Variants in NDUFAF6 observed in about 807,000 individuals in gnomAD.
NDUFAF6 encodes NADH dehydrogenase (ubiquinone) complex I, assembly factor 6.
In NDUFAF6, 45 loss-of-function variants were observed where a neutral mutation model predicts 40.8. The observed-to-expected ratio is 1.10, with a 90% CI of 0.87 to 1.42. NDUFAF6 has a LOEUF of 1.42. Ranked by LOEUF, NDUFAF6 falls within the 40% of genes most tolerant of loss-of-function variation. The pLI, the probability that NDUFAF6 is intolerant of heterozygous loss-of-function variation, is 0.00. For missense variants in NDUFAF6, 435 were observed against 418.5 expected, an observed-to-expected ratio of 1.04 and a Z score of -0.34; for synonymous variants, 185 against 155.9, an observed-to-expected ratio of 1.19 and a Z score of -1.39.
chr8:95,032,200 T>A (rs1828934962), intron 2 of NDUFAF6, 106 bp downstream of exon 2: 3 of 966,426 alleles, frequency 3.1e-6, no homozygotes, highest in East Asian at 2.5e-5. Context: ...TAGATGTGTT[T>A]AAGGTCTCTG....
intron 2 of NDUFAF6, among the ~76,000 whole-genome samples, chr8:95,014,646 TG>T (rs1436963034): frequency 6.6e-6 from 1 of 152,206 alleles, no homozygotes; most frequent in Non-Finnish European, 1.5e-5. Context: ...CCAGGACTCT[TG>T]GGTTGCAAGT....
At chr8:94,930,621 C>T in intron 1 of NDUFAF6, 3 of 1,614,180 alleles carry the variant, frequency 1.9e-6, no homozygotes, top group Non-Finnish European at 2.5e-6. Context: ...TTCTTTTATC[C>T]ACTGGGAAGG....
upstream of NDUFAF6, among the ~76,000 whole-genome samples, chr8:94,957,455 C>T (rs1230317203): frequency 6.6e-6 from 1 of 152,066 alleles, no homozygotes; most frequent in Non-Finnish European, 1.5e-5. Flanking sequence ...GATATCCAGC[C>T]AAGAAGAGTG....
intron 2 of NDUFAF6, among the ~76,000 whole-genome samples, chr8:95,032,996 A>G (rs1477428744): frequency 6.6e-6 from 1 of 152,226 alleles, no homozygotes; most frequent in Non-Finnish European, 1.5e-5. Context: ...CAGTTTAGCC[A>G]TAAATAGTTC....
intron 1 of NDUFAF6, among the ~76,000 whole-genome samples, chr8:94,900,769 G>A (rs1459670307): frequency 6.6e-6 from 1 of 152,190 alleles, no homozygotes; most frequent in Non-Finnish European, 1.5e-5. Flanking sequence ...AATGTGGAAC[G>A]GATAACTATT....
At chr8:94,981,650 A>G (rs1825449307) in intron 2 of NDUFAF6, among the ~76,000 whole-genome samples, 1 of 152,172 alleles carries the variant, frequency 6.6e-6, no homozygotes, top group African/African-American at 2.4e-5. Context: ...GTTTTTAGAC[A>G]CTGATAACCA....
At chr8:95,048,352 T>A in intron 6 of NDUFAF6, 105 bp from the exon 7 acceptor site, 1 of 807,216 alleles carries the variant, frequency 1.2e-6, no homozygotes, top group South Asian at 1.4e-5. Flanking sequence ...ACGTGTTCTC[T>A]TGTGCTAAGT....
At chr8:95,106,274 CAA>C (rs772574749), downstream of NDUFAF6, among the ~76,000 whole-genome samples, 16 of 87,450 alleles carry the variant, frequency 1.8e-4, no homozygotes, top group Non-Finnish European at 2.1e-4. Context: ...GACTCCATCT[CAA>C]AAAAAAAAAA....
At chr8:95,011,096 G>T (rs755038642) in intron 2 of NDUFAF6, among the ~76,000 whole-genome samples, 1 of 152,186 alleles carries the variant, frequency 6.6e-6, no homozygotes, top group Non-Finnish European at 1.5e-5. Context: ...AGTCCTTAGG[G>T]AGCTGTAAAC....
At chr8:95,049,611 A>G (rs1831205192) in intron 7 of NDUFAF6, among the ~76,000 whole-genome samples, 1 of 152,054 alleles carries the variant, frequency 6.6e-6, no homozygotes, top group African/African-American at 2.4e-5. Flanking sequence ...AGAGTTGGAC[A>G]CTTACCTGCA....
rs148951194 is a variant in NDUFAF6 at position 95,047,712 on chromosome 8, T to C, written c.714+585T>C. ...TTTTAGTAGAGATGAGGTTTCACCA[T>C]GTTAGCCAGGATGGTCTAGATCTCC... On this transcript the variant is annotated intron_variant, in intron 6 of 8. Transcript: ENST00000396124. Among the ~76,000 whole-genome samples the C allele has an allele frequency of 4.7e-3, 707 of 151,894 alleles. 4 individuals are homozygous for C. The highest frequency in any genetic ancestry group is 0.016 in the African/African-American group (669 of 41,464).
At chr8:95,083,205 A>T (rs1808934286) in intron 2 of NDUFAF6, among the ~76,000 whole-genome samples, 1 of 152,226 alleles carries the variant, frequency 6.6e-6, no homozygotes, top group South Asian at 2.1e-4. Flanking sequence ...GATCCCTAAC[A>T]GCCAGCCTAT....
At chr8:95,028,856 CA>C (rs1828482887) in intron 1 of NDUFAF6, among the ~76,000 whole-genome samples, 1 of 152,148 alleles carries the variant, frequency 6.6e-6, no homozygotes, top group Non-Finnish European at 1.5e-5. Context: ...CTTTTTATGG[CA>C]AAATACAATT....
At chr8:94,907,213 G>A (rs7821105) in intron 1 of NDUFAF6, among the ~76,000 whole-genome samples, 242 of 152,324 alleles carry the variant, frequency 1.6e-3, no homozygotes, top group African/African-American at 5.5e-3. Context: ...TTAATCAAAT[G>A]GCATCAACTC....
intron 2 of NDUFAF6, among the ~76,000 whole-genome samples, chr8:95,081,210 G>T (rs1307402902): frequency 7.7e-6 from 1 of 129,518 alleles, no homozygotes; most frequent in East Asian, 2.4e-4. Context: ...TGTTGCCCAG[G>T]CTGGAGTGCA....
chr8:95,083,167 T>G (rs1007993650), intron 2 of NDUFAF6, among the ~76,000 whole-genome samples: 11 of 152,240 alleles, frequency 7.2e-5, no homozygotes, highest in Non-Finnish European at 1.5e-5. Flanking sequence ...TTTTGGTAAA[T>G]TGTGTAAGGT....
At chr8:95,083,699 A>G (rs1808949206) in intron 2 of NDUFAF6, among the ~76,000 whole-genome samples, 1 of 152,260 alleles carries the variant, frequency 6.6e-6, no homozygotes, top group African/African-American at 2.4e-5. Flanking sequence ...TACAAGATCT[A>G]GCAGCAGGTC....
intron 2 of NDUFAF6, among the ~76,000 whole-genome samples, chr8:95,082,804 C>T (rs931292083): frequency 3.3e-5 from 5 of 151,686 alleles, no homozygotes; most frequent in Non-Finnish European, 5.9e-5. Context: ...GGACTACAGG[C>T]GCCCGCCACT....
At chr8:94,945,856 C>T (rs1011237237) in intron 2 of NDUFAF6, among the ~76,000 whole-genome samples, 1 of 152,128 alleles carries the variant, frequency 6.6e-6, no homozygotes, top group African/African-American at 2.4e-5. Context: ...GCAGTTTCCC[C>T]GACAAGAGAA....
Sources: gnomAD v4.1 joint callset for allele counts (sites outside exome capture counted in the v4.1 genomes callset) on GRCh38, gnomAD v4.1.1 for gene constraint, MANE v1.5 for transcripts, NCBI Gene and HGNC (gene_info 2026-07-23, HGNC 2026-07-21) for gene names.